LMNB2: variants seen among roughly 807,000 people sequenced by gnomAD.
LMNB2 encodes the protein lamin B2, also known as lamin-B2.
A neutral mutation model predicts 69.3 loss-of-function variants in LMNB2; 17 were observed. The observed-to-expected ratio is 0.25, with a 90% CI of 0.17 to 0.37. The LOEUF is 0.37. Ranked by LOEUF, LMNB2 falls within the 10% of genes least tolerant of loss-of-function variation. LMNB2 has a pLI of 1.00. For missense variants in LMNB2, 789 were observed against 883.6 expected, an observed-to-expected ratio of 0.89 and a Z score of 1.36; for synonymous variants, 397 against 389.3, an observed-to-expected ratio of 1.02 and a Z score of -0.23.
intron 1 of LMNB2, among the ~76,000 whole-genome samples, chr19:2,448,423 C>A (rs1971983439): frequency 6.6e-6 from 1 of 152,154 alleles, no homozygotes; most frequent in Non-Finnish European, 1.5e-5. Flanking sequence ...GAGTTTCCAA[C>A]AAAGACAAGA....
chr19:2,454,275 G>T (rs901973873), intron 1 of LMNB2, among the ~76,000 whole-genome samples: 1 of 145,606 alleles, frequency 6.9e-6, no homozygotes, highest in Non-Finnish European at 1.5e-5. Flanking sequence ...CCTGGACGAC[G>T]GAGCGAGACT....
At chr19:2,456,146 T>C (rs1263435549) in intron 1 of LMNB2, among the ~76,000 whole-genome samples, 1 of 148,304 alleles carries the variant, frequency 6.7e-6, no homozygotes, top group Non-Finnish European at 1.5e-5. Context: ...CACCTTTCAC[T>C]CAGGGACTCT....
At chr19:2,448,003 G>A (rs936660963) in intron 1 of LMNB2, among the ~76,000 whole-genome samples, 1 of 152,182 alleles carries the variant, frequency 6.6e-6, no homozygotes, top group African/African-American at 2.4e-5. Flanking sequence ...CCTGACCACC[G>A]CTGGGTCCTA....
intron 1 of LMNB2, among the ~76,000 whole-genome samples, chr19:2,456,314 C>T (rs1972087930): frequency 6.8e-6 from 1 of 146,502 alleles, no homozygotes; most frequent in Non-Finnish European, 1.5e-5. Context: ...GAGCCGGAGC[C>T]TGTCCCCGTC....
At chr19:2,455,353 CCA>C (rs1203081342) in intron 1 of LMNB2, among the ~76,000 whole-genome samples, 3 of 151,934 alleles carry the variant, frequency 2.0e-5, no homozygotes, top group Non-Finnish European at 4.4e-5. Flanking sequence ...CCATTCCACC[CCA>C]GATACCCCAA....
At chr19:2,432,647 C>G (rs1971756834) in intron 8 of LMNB2, 124 bp from the exon 9 acceptor site, 1 of 796,420 alleles carries the variant, frequency 1.3e-6, no homozygotes, top group Admixed American at 1.8e-5. Flanking sequence ...ACCCCATTAC[C>G]CCCATGCCCT....
intron 1 of LMNB2, among the ~76,000 whole-genome samples, chr19:2,450,914 G>C (rs1184200660): frequency 6.6e-6 from 1 of 151,490 alleles, no homozygotes; most frequent in Non-Finnish European, 1.5e-5. Context: ...ATAGGTGTGA[G>C]CCACTGCGCC....
At chr19:2,438,086 G>T in intron 4 of LMNB2, 77 bp downstream of exon 4, 1 of 1,600,822 alleles carries the variant, frequency 6.2e-7, no homozygotes, top group Non-Finnish European at 8.5e-7. Context: ...GTGCCCTCAG[G>T]CTTCCGCCCT....
At chr19:2,448,380 C>T (rs1006606109) in intron 1 of LMNB2, among the ~76,000 whole-genome samples, 2 of 152,134 alleles carry the variant, frequency 1.3e-5, no homozygotes, top group East Asian at 1.9e-4. Flanking sequence ...CTGCGGCTCA[C>T]GAGGCAGAGG....
chr19:2,428,950 G>C lies in LMNB2; in HGVS notation c.*1961C>G, dbSNP rs957251268. The C allele has an allele frequency of 1.3e-5, 2 of 152,188 alleles. No individual in the cohort carries two copies. The highest frequency in any genetic ancestry group is 2.4e-5 in the African/African-American group (1 of 41,424). The allele number at this position is 152,188 out of a possible 1,614,324, so 9.4% of individuals were successfully genotyped here. On this transcript the variant is annotated 3_prime_UTR_variant, in exon 12 of 12. Coordinates refer to ENST00000325327, the MANE Select transcript of LMNB2 (RefSeq NM_032737.4). ...GCAAATGTAGGGTGGGGGGTTCTGT[G>C]GGCCTGGGGCGTGCTGTTTTCAGGA...
At chr19:2,446,543 G>GCCT (rs1195411788) in intron 1 of LMNB2, among the ~76,000 whole-genome samples, 1 of 152,214 alleles carries the variant, frequency 6.6e-6, no homozygotes, top group Non-Finnish European at 1.5e-5. Context: ...TGGCCTTCCT[G>GCCT]CCTCCCCTCC....
chr19:2,433,969 T>C lies in LMNB2; in HGVS notation c.1339A>G (p.Ser447Gly), dbSNP rs1337959401. ...CCCGTGCCCAGGACGCTTGGGCCGCTGCCCAAGGGCTCCTCCACCTCCAGC... is the reference window on the plus strand; with the variant it reads ...CCCGTGCCCAGGACGCTTGGGCCGCCGCCCAAGGGCTCCTCCACCTCCAGC... ...KRLEVEEPLG[S>G]GPSVLGTGTG... Residue 447 changes from serine (S) to glycine (G), a missense_variant, in exon 8 of 12, where the codon AGC becomes GGC. This residue lies in a region of LMNB2 where 609 missense variants were observed against 630.9 expected (regional missense o/e 0.97). Transcript: ENST00000325327. 4 of 1,611,092 alleles carry C rather than the reference T, an allele frequency of 2.5e-6. No individual in the cohort carries two copies. In the Admixed American group the frequency reaches 6.7e-5, roughly 27 times the overall value.
chr19:2,450,866 G>A (rs1414498545), intron 1 of LMNB2, among the ~76,000 whole-genome samples: 2 of 150,762 alleles, frequency 1.3e-5, no homozygotes, highest in African/African-American at 2.4e-5. Context: ...TCCTGACCTC[G>A]TGATCCGCCC....
intron 2 of LMNB2, among the ~76,000 whole-genome samples, chr19:2,442,764 C>T (rs1233562658): frequency 6.6e-6 from 1 of 152,014 alleles, no homozygotes; most frequent in Non-Finnish European, 1.5e-5. Context: ...AAAGACGGGC[C>T]TCTCTGTAGA....
intron 4 of LMNB2, among the ~76,000 whole-genome samples, chr19:2,437,383 C>T (rs1971840880): frequency 6.6e-6 from 1 of 152,246 alleles, no homozygotes; most frequent in Admixed American, 6.5e-5. Context: ...CCAGAAGATG[C>T]ACCTGACGCC....
chr19:2,456,629 C>T, intron 1 of LMNB2, 41 bp downstream of exon 1: 3 of 1,433,000 alleles, frequency 2.1e-6, no homozygotes, highest in Non-Finnish European at 2.8e-6. Context: ...GCGGGGCCTG[C>T]CGGCTGCACC....
chr19:2,431,520 C>T, intron 11 of LMNB2, 28 bp downstream of exon 11: 2 of 1,613,916 alleles, frequency 1.2e-6, no homozygotes, highest in Non-Finnish European at 1.7e-6. Context: ...GGCTGCCCCC[C>T]AGCCGCAAGT....
rs1441130454 is a variant in LMNB2, at chr19:2,434,035, A to T, written c.1273T>A (p.Leu425Met). 3 of 1,603,166 alleles carry T rather than the reference A, an allele frequency of 1.9e-6. No homozygotes were observed. Among genetic ancestry groups the T allele is most frequent in the East Asian group, 4.5e-5 (2 of 44,534 alleles). The change falls in exon 8 of 12, where the codon TTG (leucine) becomes ATG (methionine). Residue 425 changes from leucine to methionine, a missense_variant. Physicochemically the swap from Leu to Met is conservative, Grantham distance 15. Transcript: ENST00000325327. ...CGGCCCAGGCGCCCGGTGGCGGACA[A>T]GCTGCCGCTGCTGCTCGAGGTGGCT... ...SRATSSSSGSLSATGRLGRSK... is the reference protein window; with the variant it reads ...SRATSSSSGSMSATGRLGRSK...
In LMNB2 at chr19:2,456,682, C is replaced by A; in HGVS notation, c.252G>T (p.Val84=). Residue 84 remains valine (V), a synonymous_variant, in exon 1 of 12, where the codon GTG becomes GTT. Coordinates refer to ENST00000325327, the MANE Select transcript of LMNB2 (RefSeq NM_032737.4). ...LLLKISEKEE[V]TTREVSGIKA... ...CCCCGGCGCCCACCTCGCGCGTGGT[C>A]ACCTCCTCCTTCTCTGAGATCTTGA... is the stretch of plus-strand genomic sequence containing the variant. 1 of 1,547,012 alleles carries A rather than the reference C, an allele frequency of 6.5e-7. No individual in the cohort carries two copies. The highest frequency in any genetic ancestry group is 2.6e-5 in the East Asian group (1 of 38,036).
Sources: gnomAD v4.1 joint callset for allele counts (sites outside exome capture counted in the v4.1 genomes callset) on GRCh38, gnomAD v4.1.1 for gene constraint, gnomAD v4.1.1 regional missense constraint, MANE v1.5 for transcripts, NCBI Gene and HGNC (gene_info 2026-07-23, HGNC 2026-07-21) for gene names.